Variants in PIP5K1A observed in about 807,000 individuals in gnomAD.
PIP5K1A encodes phosphatidylinositol 4-phosphate 5-kinase type-1 alpha.
Under a neutral mutation model 72.9 loss-of-function variants are expected in PIP5K1A, and 46 were observed. The ratio of observed to expected loss-of-function variants is 0.63; its 90% CI spans 0.50 to 0.81. The LOEUF (loss-of-function observed/expected upper bound fraction) is 0.81, where lower values mean the gene tolerates loss of function less well. PIP5K1A is among the 30% of genes least tolerant of loss of function. The pLI, the probability that PIP5K1A is intolerant of heterozygous loss-of-function variation, is 0.00. For missense variants in PIP5K1A, 458 were observed against 706.1 expected, an observed-to-expected ratio of 0.65 and a Z score of 3.98; for synonymous variants, 228 against 255.1, an observed-to-expected ratio of 0.89 and a Z score of 1.01.
chr1:151,237,254 A>C (rs1691023157), intron 9 of PIP5K1A, among the ~76,000 whole-genome samples: 1 of 152,250 alleles, frequency 6.6e-6, no homozygotes, highest in Non-Finnish European at 1.5e-5. Flanking sequence ...TTCTTAATAC[A>C]AAATGAAAAG....
At chr1:151,246,437 C>A (rs1052594273) in intron 14 of PIP5K1A, among the ~76,000 whole-genome samples, 1 of 152,044 alleles carries the variant, frequency 6.6e-6, no homozygotes, top group African/African-American at 2.4e-5. Context: ...ATAGCCAGCT[C>A]ATAGCATAGG....
chr1:151,199,113 G>A, intron 1 of PIP5K1A, 32 bp downstream of exon 1: 4 of 1,613,748 alleles, frequency 2.5e-6, no homozygotes, highest in Non-Finnish European at 3.4e-6. Flanking sequence ...TAGGGAGCTG[G>A]TGAGGAATAT....
chr1:151,239,864 G>T, intron 11 of PIP5K1A, 91 bp from the exon 12 acceptor site: 1 of 876,714 alleles, frequency 1.1e-6, no homozygotes. Flanking sequence ...TTACCCTTCT[G>T]CTAGGGGCTC....
chr1:151,227,144 A>T (rs1280115805), intron 3 of PIP5K1A, 176 bp from the exon 4 acceptor site: 2 of 470,828 alleles, frequency 4.2e-6, no homozygotes, highest in Non-Finnish European at 7.6e-6. Context: ...CACTTAATTC[A>T]TTGGGAACCA....
chr1:151,212,573 C>T (rs35118469), intron 1 of PIP5K1A, among the ~76,000 whole-genome samples: 24,722 of 151,626 alleles, frequency 0.16, 2,161 homozygotes, highest in Admixed American at 0.21. Context: ...TGTGATGATT[C>T]GACTTTGCCT....
chr1:151,198,792 G>A lies in PIP5K1A; in HGVS notation c.-205G>A, dbSNP rs1460638265. 1.5e-6 allele frequency: 1 copy of A among 651,136 alleles called. No homozygotes were observed. Among genetic ancestry groups the A allele is most frequent in the Admixed American group, 2.5e-5 (1 of 40,404 alleles). 40.3% of individuals were successfully genotyped at this position (651,136 alleles called of 1,614,324 possible). On this transcript the variant is annotated 5_prime_UTR_variant, in exon 1 of 16. Transcript: ENST00000368888. ...CTTGTGGAGGGGGTGCGGGACGTGA[G>A]TTCTTCCCCATGCCAGGCGAATGGT...
chr1:151,199,607 C>G (rs1684928144), intron 1 of PIP5K1A, among the ~76,000 whole-genome samples: 1 of 147,634 alleles, frequency 6.8e-6, no homozygotes, highest in East Asian at 2.0e-4. Context: ...GAGTGAGACC[C>G]TGTCTCAAAA....
At chr1:151,206,075 G>C (rs950971211) in intron 1 of PIP5K1A, among the ~76,000 whole-genome samples, 3 of 151,934 alleles carry the variant, frequency 2.0e-5, no homozygotes, top group African/African-American at 7.3e-5. Context: ...ATTTAATTTC[G>C]ACATATGTTT....
At chr1:151,201,827 A>C (rs1397957753) in intron 1 of PIP5K1A, among the ~76,000 whole-genome samples, 1 of 151,972 alleles carries the variant, frequency 6.6e-6, no homozygotes, top group African/African-American at 2.4e-5. Context: ...ACACCACTGC[A>C]CTCCAGTCTG....
chr1:151,213,227 G>A (rs1687110983), intron 1 of PIP5K1A, among the ~76,000 whole-genome samples: 1 of 152,020 alleles, frequency 6.6e-6, no homozygotes, highest in African/African-American at 2.4e-5. Context: ...TTTTTTTGGG[G>A]TACTGCTCCT....
At chr1:151,227,656 C>T (rs1315557920) in intron 4 of PIP5K1A, among the ~76,000 whole-genome samples, 10 of 152,108 alleles carry the variant, frequency 6.6e-5, no homozygotes, top group African/African-American at 2.2e-4. Flanking sequence ...TTTGGGAAGC[C>T]GAGGCAGGCA....
rs72994051 is a variant in PIP5K1A, at chr1:151,208,661, G to A, written c.85+9580G>A. ...AGTGTGAGCCACTGCGTCCGGCCGT[G>A]GCTTGGTTTTCTTAATTTGCTTGAT... On this transcript the variant is annotated intron_variant, in intron 1 of 15. Coordinates refer to ENST00000368888, the MANE Select transcript of PIP5K1A (RefSeq NM_001135638.2). Among the ~76,000 whole-genome samples the A allele has an allele frequency of 8.3e-3, 1,184 of 143,002 alleles. 20 individuals are homozygous for A. Among genetic ancestry groups the A allele is most frequent in the African/African-American group, 0.029 (1,108 of 38,834 alleles). The allele number at this position is 143,002 out of a possible 152,430, so 93.8% of individuals were successfully genotyped here.
At chr1:151,199,994 C>T (rs1260351980) in intron 1 of PIP5K1A, among the ~76,000 whole-genome samples, 1 of 151,976 alleles carries the variant, frequency 6.6e-6, no homozygotes, top group Non-Finnish European at 1.5e-5. Context: ...CAGACTAATT[C>T]CTTTGGTGAT....
At chr1:151,246,673 G>T (rs1260244260) in intron 14 of PIP5K1A, among the ~76,000 whole-genome samples, 3 of 152,098 alleles carry the variant, frequency 2.0e-5, no homozygotes, top group Admixed American at 2.0e-4. Flanking sequence ...GGGTACCTAC[G>T]ACACCTGGAG....
intron 3 of PIP5K1A, among the ~76,000 whole-genome samples, chr1:151,225,623 C>T (rs587629253): frequency 9.2e-5 from 14 of 152,148 alleles, no homozygotes; most frequent in African/African-American, 3.1e-4. Flanking sequence ...GTGCACGCCA[C>T]CATGCCCGCC....
At chr1:151,213,981 C>G (rs1478788599) in intron 1 of PIP5K1A, among the ~76,000 whole-genome samples, 1 of 152,104 alleles carries the variant, frequency 6.6e-6, no homozygotes, top group East Asian at 1.9e-4. Context: ...GGTATATAAT[C>G]TTGTGCACCT....
At chr1:151,247,101 A>AT (rs1278218569) in intron 15 of PIP5K1A, 136 bp downstream of exon 15, 9 of 414,650 alleles carry the variant, frequency 2.2e-5, no homozygotes, top group South Asian at 9.3e-5. Context: ...ATTTTTTATT[A>AT]TTTTTTTATT....
intron 1 of PIP5K1A, among the ~76,000 whole-genome samples, chr1:151,222,367 G>A (rs149975161): frequency 6.7e-4 from 102 of 152,308 alleles, no homozygotes; most frequent in Middle Eastern, 3.4e-3. Flanking sequence ...AAAATTCCAT[G>A]GAGCGACATC....
At chr1:151,220,245 A>G (rs1190552465) in intron 1 of PIP5K1A, among the ~76,000 whole-genome samples, 2 of 151,798 alleles carry the variant, frequency 1.3e-5, no homozygotes, top group East Asian at 1.9e-4. Flanking sequence ...ACCCTGTGAT[A>G]TGCCCACCTT....
Sources: allele counts gnomAD v4.1 joint callset (sites outside exome capture counted in the v4.1 genomes callset), GRCh38; gene constraint gnomAD v4.1.1; transcripts MANE v1.5; gene names NCBI Gene and HGNC (gene_info 2026-07-23, HGNC 2026-07-21).